The following PMM2 variants were observed in gnomAD, a reference collection of about 807,000 sequenced individuals.
PMM2 encodes phosphomannomutase 2, also known as mannose-6-phosphate isomerase.
PMM2 carries 35 observed loss-of-function variants against 33.2 expected under a neutral mutation model. That is an observed-to-expected ratio of 1.06 (90% CI 0.81 to 1.40). The LOEUF (loss-of-function observed/expected upper bound fraction) is 1.40. Among genes scored for constraint, PMM2 ranks in the 40% most tolerant of loss-of-function variants. The pLI is 0.00. For synonymous variants in PMM2, 153 were observed against 114.7 expected (o/e 1.33, Z -2.13); for missense variants, 386 against 306.0 (o/e 1.26, Z -1.95).
chr16:8,826,260 T>C (rs939535189), intron 7 of PMM2, among the ~76,000 whole-genome samples: 27 of 152,358 alleles, frequency 1.8e-4, no homozygotes, highest in African/African-American at 6.3e-4. Flanking sequence ...CCAAAAATAA[T>C]CTTTAAACTC....
chr16:8,840,082 G>A (rs1389020554), intron 7 of PMM2, among the ~76,000 whole-genome samples: 1 of 151,734 alleles, frequency 6.6e-6, no homozygotes, highest in Non-Finnish European at 1.5e-5. Context: ...GGACAGCTGT[G>A]TAGGCACTGG....
Position 8,812,974 on chromosome 16 carries a change from C to A in PMM2, c.524-17C>A, listed in dbSNP as rs768838446. 6.9e-7 allele frequency: 1 copy of A among 1,452,822 alleles called. No homozygotes were observed. Among genetic ancestry groups the A allele is most frequent in the South Asian group, 1.1e-5 (1 of 87,798 alleles). The allele number at this position is 1,452,822 out of a possible 1,614,324, so 90.0% of individuals were successfully genotyped here. A position where few individuals can be genotyped will look rare whatever the true frequency, so the allele number is the denominator to read the frequency against. On this transcript the variant is annotated splice_polypyrimidine_tract_variant and intron_variant, in intron 6 of 7. Coordinates refer to ENST00000268261, the MANE Select transcript of PMM2 (RefSeq NM_000303.3). ...TTTTCACCTTTTGCCTTTGTGTGCC[C>A]CGTCCCCACCCGGCAGGAGGCCAGA...
intron 7 of PMM2, among the ~76,000 whole-genome samples, chr16:8,837,555 G>T (rs1567168368): frequency 6.6e-6 from 1 of 151,632 alleles, no homozygotes; most frequent in Non-Finnish European, 1.5e-5. Flanking sequence ...CAGAAAAGCA[G>T]AGAAGGGGTT....
At chr16:8,838,353 C>T (rs1044940675) in intron 7 of PMM2, among the ~76,000 whole-genome samples, 3 of 152,028 alleles carry the variant, frequency 2.0e-5, no homozygotes, top group East Asian at 1.9e-4. Flanking sequence ...TGTATACGTG[C>T]AAGTCATAGG....
chr16:8,811,045 T>C, intron 4 of PMM2, 34 bp from the exon 5 acceptor site: 2 of 1,308,622 alleles, frequency 1.5e-6, no homozygotes, highest in African/African-American at 1.5e-5. Flanking sequence ...AATAACGTGT[T>C]TTTGGAGAAA....
At chr16:8,833,940 T>G (rs1249740067) in intron 7 of PMM2, among the ~76,000 whole-genome samples, 1 of 147,852 alleles carries the variant, frequency 6.8e-6, no homozygotes, top group Non-Finnish European at 1.5e-5. Flanking sequence ...GGAGAAACAG[T>G]GTAAACCGGC....
chr16:8,804,707 G>T (rs1274703736), intron 2 of PMM2, 60 bp from the exon 3 acceptor site: 1 of 1,108,558 alleles, frequency 9.0e-7, no homozygotes, highest in South Asian at 1.2e-5. Context: ...GTTAATCAAG[G>T]AGTAAAAACA....
intron 7 of PMM2, among the ~76,000 whole-genome samples, chr16:8,814,857 C>T (rs780141229): frequency 1.3e-5 from 2 of 152,154 alleles, no homozygotes; most frequent in Admixed American, 6.5e-5. Flanking sequence ...GATATTCCCT[C>T]TTAACAAGTT....
At chr16:8,804,718 C>A in intron 2 of PMM2, 49 bp from the exon 3 acceptor site, 1 of 1,305,580 alleles carries the variant, frequency 7.7e-7, no homozygotes, top group Non-Finnish European at 1.1e-6. Flanking sequence ...AGTAAAAACA[C>A]AGGTTTTGAT....
intron 7 of PMM2, among the ~76,000 whole-genome samples, chr16:8,834,777 A>G (rs1276793101): frequency 1.3e-5 from 2 of 152,258 alleles, no homozygotes; most frequent in African/African-American, 4.8e-5. Flanking sequence ...TGGAACCGCC[A>G]TCAATAAATC....
chr16:8,806,286 T>C (rs543103147), intron 3 of PMM2, 30 bp from the exon 4 acceptor site: 1 of 1,417,604 alleles, frequency 7.1e-7, no homozygotes, highest in East Asian at 2.3e-5. Context: ...TCCTGCTAAA[T>C]CAAGTAACTC....
chr16:8,845,118 C>T (rs1026081027), intron 7 of PMM2, among the ~76,000 whole-genome samples: 19 of 152,116 alleles, frequency 1.2e-4, no homozygotes, highest in African/African-American at 4.1e-4. Context: ...GGGCTGAGTC[C>T]GAAAAGAGAG....
At chr16:8,840,398 G>A (rs1034412133) in intron 7 of PMM2, among the ~76,000 whole-genome samples, 2 of 151,932 alleles carry the variant, frequency 1.3e-5, no homozygotes, top group African/African-American at 4.8e-5. Flanking sequence ...GTGTAAACCG[G>A]CCGTGTAAAC....
At chr16:8,840,039 TG>T (rs1443233427) in intron 7 of PMM2, among the ~76,000 whole-genome samples, 1 of 150,694 alleles carries the variant, frequency 6.6e-6, no homozygotes, top group Non-Finnish European at 1.5e-5. Flanking sequence ...TGTAGGGAGA[TG>T]GGAGATGTTG....
At chr16:8,801,972 C>T (rs2060619243) in intron 2 of PMM2, 62 bp downstream of exon 2, 1 of 1,185,800 alleles carries the variant, frequency 8.4e-7, no homozygotes, top group African/African-American at 1.5e-5. Context: ...GATATTGTTG[C>T]CAAGTATCAT....
chr16:8,844,921 C>G (rs1318603433), intron 7 of PMM2, among the ~76,000 whole-genome samples: 1 of 152,178 alleles, frequency 6.6e-6, no homozygotes, highest in Non-Finnish European at 1.5e-5. Flanking sequence ...GCTGGTGGGT[C>G]TGAGGACCTG....
intron 6 of PMM2, among the ~76,000 whole-genome samples, chr16:8,811,998 C>A (rs560462010): frequency 2.0e-4 from 30 of 152,222 alleles, no homozygotes; most frequent in Non-Finnish European, 4.1e-4. Flanking sequence ...AAGAGGAGCA[C>A]TTTGATTACT....
intron 7 of PMM2, chr16:8,832,805 C>G (rs1031521007): frequency 1.0e-6 from 1 of 985,430 alleles, no homozygotes; most frequent in Non-Finnish European, 1.2e-6. Flanking sequence ...CCGGCCCCAG[C>G]CCCTGCCCAT....
At chr16:8,800,651 A>G (rs1170873205) in intron 1 of PMM2, among the ~76,000 whole-genome samples, 1 of 148,024 alleles carries the variant, frequency 6.8e-6, no homozygotes, top group Non-Finnish European at 1.5e-5. Context: ...AATAAAATCA[A>G]TTCTAAGCTT....
Sources: gnomAD v4.1 joint callset for allele counts (sites outside exome capture counted in the v4.1 genomes callset) on GRCh38, gnomAD v4.1.1 for gene constraint, MANE v1.5 for transcripts, NCBI Gene and HGNC (gene_info 2026-07-23, HGNC 2026-07-21) for gene names.